ZFHX4: variants seen among roughly 807,000 people sequenced by gnomAD.
ZFHX4 encodes the protein zinc finger homeobox protein 4.
A neutral mutation model predicts 267.6 loss-of-function variants in ZFHX4; 56 were observed. That is an observed-to-expected ratio of 0.21 (90% CI 0.17 to 0.26). The LOEUF is 0.26. Ranked by LOEUF, ZFHX4 falls within the 10% of genes least tolerant of loss-of-function variation. ZFHX4 has a pLI of 1.00. For missense variants in ZFHX4, 4,332 were observed against 4,420.0 expected (o/e 0.98, Z 0.56); for synonymous variants, 1,778 against 1,665.6 (o/e 1.07, Z -1.64).
intron 3 of ZFHX4, among the ~76,000 whole-genome samples, chr8:76,773,945 A>T (rs553515159): frequency 2.6e-5 from 4 of 152,216 alleles, no homozygotes; most frequent in Admixed American, 2.6e-4. Context: ...GACACGACAG[A>T]ATCAGCTATT....
At position 76,791,437 on chromosome 8, in the gene ZFHX4, G is replaced by A. The variant is rs551122060; in HGVS notation, c.3325+12998G>A. On this transcript the variant is annotated intron_variant, in intron 4 of 10. Coordinates refer to ENST00000651372, the MANE Select transcript of ZFHX4 (RefSeq NM_024721.5). ...TAAGGTAGAAGGTTTGGATTTTAACGTAGAAAACTTTTGATAAATTCCCAT... is the reference window on the plus strand; with the variant it reads ...TAAGGTAGAAGGTTTGGATTTTAACATAGAAAACTTTTGATAAATTCCCAT... 1.4e-4 allele frequency among the ~76,000 whole-genome samples: 22 copies of A among 152,174 alleles called. No individual in the cohort carries two copies. The South Asian group carries it at 2.1e-3, about 14-fold the overall frequency.
chr8:76,779,489 A>C (rs1191714230), intron 4 of ZFHX4, among the ~76,000 whole-genome samples: 1 of 152,156 alleles, frequency 6.6e-6, no homozygotes, highest in Non-Finnish European at 1.5e-5. Flanking sequence ...TCAAATCAGC[A>C]TCAGTGAATC....
At chr8:76,768,738 T>C (rs530062152) in intron 3 of ZFHX4, among the ~76,000 whole-genome samples, 1 of 152,152 alleles carries the variant, frequency 6.6e-6, no homozygotes, top group South Asian at 2.1e-4. Flanking sequence ...ACATGCAGTA[T>C]AGGTTTGGAG....
intron 5 of ZFHX4, among the ~76,000 whole-genome samples, chr8:76,840,121 C>A (rs1458185309): frequency 1.3e-5 from 2 of 152,168 alleles, no homozygotes; most frequent in Non-Finnish European, 2.9e-5. Context: ...CCCTTCTAAA[C>A]CACAAAACAG....
rs1055475875 is a variant in ZFHX4 at position 76,865,755 on chromosome 8, C to T, written c.*1190C>T. 4.6e-5 allele frequency: 7 copies of T among 152,496 alleles called. No homozygotes were observed. Among genetic ancestry groups the T allele is most frequent in the Non-Finnish European group, 1.0e-4 (7 of 68,004 alleles). The allele number at this position is 152,496 out of a possible 1,614,324, so 9.4% of individuals were successfully genotyped here. On this transcript the variant is annotated 3_prime_UTR_variant, in exon 11 of 11. Coordinates refer to ENST00000651372, the MANE Select transcript of ZFHX4 (RefSeq NM_024721.5). ...GTTTTGTATAAAGAGGTTAGCCCTG[C>T]GCACGTAGGACTGAATTCAGTGATA...
At chr8:76,825,323 A>C (rs983323320) in intron 4 of ZFHX4, among the ~76,000 whole-genome samples, 15 of 152,234 alleles carry the variant, frequency 9.9e-5, no homozygotes, top group African/African-American at 3.4e-4. Context: ...AGAATCCTGA[A>C]TGTCAGGGAA....
At chr8:76,753,605 A>G (rs1313818670) in intron 3 of ZFHX4, among the ~76,000 whole-genome samples, 1 of 141,168 alleles carries the variant, frequency 7.1e-6, no homozygotes, top group Non-Finnish European at 1.5e-5. Flanking sequence ...TTTGTCTGTC[A>G]CAGTCACTTC....
At chr8:76,703,543 AT>A (rs1473262455) in intron 1 of ZFHX4, 1 of 152,512 alleles carries the variant, frequency 6.6e-6, no homozygotes, top group Non-Finnish European at 1.5e-5. Context: ...AATATTTCTA[AT>A]TTTAAGGTTT....
At chr8:76,748,853 C>T (rs545789334) in intron 3 of ZFHX4, among the ~76,000 whole-genome samples, 1 of 152,108 alleles carries the variant, frequency 6.6e-6, no homozygotes, top group Non-Finnish European at 1.5e-5. Context: ...TGTTTTTATT[C>T]CTGAAAACAT....
intron 4 of ZFHX4, among the ~76,000 whole-genome samples, chr8:76,800,165 T>C (rs1392248205): frequency 6.6e-6 from 1 of 152,068 alleles, no homozygotes; most frequent in African/African-American, 2.4e-5. Context: ...AATTAGGATG[T>C]TGGCACATCC....
chr8:76,851,280 A>G lies in ZFHX4; in HGVS notation c.4359A>G (p.Glu1453=). 1.2e-6 allele frequency: 2 copies of G among 1,613,828 alleles called. No homozygotes were observed. The highest frequency in any genetic ancestry group is 2.2e-5 in the South Asian group (2 of 91,046). Residue 1453 remains glutamate (E), a synonymous_variant, in exon 10 of 11, where the codon GAA becomes GAG. Coordinates refer to ENST00000651372, the MANE Select transcript of ZFHX4 (RefSeq NM_024721.5). ...HLEAGHPELS[E]AELQQLYASL... ...AAGCAGGCCACCCTGAACTGAGTGAAGCTGAACTTCAACAGCTATATGCCT... is the reference window on the plus strand; with the variant it reads ...AAGCAGGCCACCCTGAACTGAGTGAGGCTGAACTTCAACAGCTATATGCCT...
At chr8:76,735,219 T>C (rs765949285) in intron 3 of ZFHX4, among the ~76,000 whole-genome samples, 5 of 152,112 alleles carry the variant, frequency 3.3e-5, no homozygotes, top group Non-Finnish European at 5.9e-5. Flanking sequence ...TAATGTGAGC[T>C]TTCCAAAAGA....
At chr8:76,684,785 GTTCA>G (rs1463929353) in intron 1 of ZFHX4, among the ~76,000 whole-genome samples, 2 of 152,156 alleles carry the variant, frequency 1.3e-5, no homozygotes, top group African/African-American at 4.8e-5. Flanking sequence ...GCCCAAATCT[GTTCA>G]TTAATTTTGA....
rs545028134 is a variant in ZFHX4 at position 76,750,057 on chromosome 8, C to T, written c.3094-28151C>T. Among the ~76,000 whole-genome samples the T allele has an allele frequency of 1.6e-4, 24 of 152,160 alleles. 1 individual carries two copies. The highest frequency in any genetic ancestry group is 2.9e-4 in the Non-Finnish European group (20 of 67,976). On this transcript the variant is annotated intron_variant, in intron 3 of 10. Transcript: ENST00000651372. Reference sequence around the variant, plus strand: ...AACCTTCTAAATCCCTATGTTTTGTCCTAGGTTTAAAATTCTATGAGAACC... The same window carrying T: ...AACCTTCTAAATCCCTATGTTTTGTTCTAGGTTTAAAATTCTATGAGAACC...
chr8:76,805,686 C>A (rs773567950), intron 4 of ZFHX4, among the ~76,000 whole-genome samples: 22 of 151,540 alleles, frequency 1.5e-4, no homozygotes, highest in East Asian at 3.9e-4. Context: ...TTGCACACAT[C>A]ATGTCTCAGC....
chr8:76,835,592 C>T (rs1400695000), intron 5 of ZFHX4, among the ~76,000 whole-genome samples: 8 of 152,046 alleles, frequency 5.3e-5, no homozygotes, highest in African/African-American at 1.2e-4. Flanking sequence ...GTTAAGTTTA[C>T]GTTTACCTAT....
At chr8:76,726,292 G>T (rs1808851282) in intron 3 of ZFHX4, among the ~76,000 whole-genome samples, 1 of 151,914 alleles carries the variant, frequency 6.6e-6, no homozygotes, top group Non-Finnish European at 1.5e-5. Context: ...GAAGAAGTTT[G>T]TTTTCTTTAT....
rs760202045 is a variant in ZFHX4 at position 76,851,001 on chromosome 8, G to C, written c.4080G>C (p.Trp1360Cys). ...AAGAACCCTTGGAAGTCTCAGAATG[G>C]AATAAAAATAGCAGTAAGGATGTGA... Reference protein sequence around the residue: ...PTKEPLEVSEWNKNSSKDVKI... With the variant: ...PTKEPLEVSECNKNSSKDVKI... The change falls in exon 10 of 11, where the codon TGG (tryptophan) becomes TGC (cysteine). Residue 1360 changes from tryptophan (W) to cysteine (C), a missense_variant. By Grantham distance (215) the Trp-to-Cys change is radical. Transcript: ENST00000651372. 6.2e-7 allele frequency: 1 copy of C among 1,613,850 alleles called. No individual in the cohort carries two copies. The highest frequency in any genetic ancestry group is 1.7e-5 in the Admixed American group (1 of 60,004).
chr8:76,814,075 A>T (rs890129749), intron 4 of ZFHX4, among the ~76,000 whole-genome samples: 4 of 151,740 alleles, frequency 2.6e-5, no homozygotes, highest in Admixed American at 6.6e-5. Flanking sequence ...TTTTTTATTT[A>T]AAAAAAAGAT....
Sources: allele counts gnomAD v4.1 joint callset (sites outside exome capture counted in the v4.1 genomes callset), GRCh38; gene constraint gnomAD v4.1.1; transcripts MANE v1.5; gene names NCBI Gene and HGNC (gene_info 2026-07-23, HGNC 2026-07-21).